Variants in TIMMDC1 observed in about 807,000 individuals in gnomAD.
The protein encoded by TIMMDC1 is translocase of inner mitochondrial membrane domain containing 1.
Under a neutral mutation model 32.6 loss-of-function variants are expected in TIMMDC1, and 25 were observed. The observed-to-expected ratio is 0.77, with a 90% confidence interval of 0.56 to 1.07. The LOEUF (loss-of-function observed/expected upper bound fraction) is 1.07, where lower values mean the gene tolerates loss of function less well. Ranked by LOEUF, TIMMDC1 falls within the 50% of genes least tolerant of loss-of-function variation. The probability of loss-of-function intolerance (pLI) is 0.00; values close to 1 mark genes in which losing one functional copy is unlikely to be tolerated. For synonymous variants in TIMMDC1, 130 were observed against 127.6 expected, an observed-to-expected ratio of 1.02 and a Z score of -0.13; for missense variants, 329 against 349.2, an observed-to-expected ratio of 0.94 and a Z score of 0.46.
At chr3:119,508,891 G>GA (rs573992595) in intron 4 of TIMMDC1, among the ~76,000 whole-genome samples, 125 of 152,276 alleles carry the variant, frequency 8.2e-4, no homozygotes, top group Admixed American at 2.0e-3. Flanking sequence ...CTTGCAAGTA[G>GA]AAAATCCAAA....
chr3:119,500,614 G>A, intron 1 of TIMMDC1, 81 bp from the exon 2 acceptor site: 1 of 1,278,778 alleles, frequency 7.8e-7, no homozygotes, highest in Non-Finnish European at 1.1e-6. Context: ...GTAGCATTTG[G>A]GTTAATTCTG....
intron 4 of TIMMDC1, among the ~76,000 whole-genome samples, chr3:119,508,520 C>T (rs1018011885): frequency 2.6e-5 from 4 of 152,238 alleles, no homozygotes; most frequent in Non-Finnish European, 4.4e-5. Flanking sequence ...ACATGCCATA[C>T]CAGAAACTGG....
chr3:119,500,686 ATGT>A lies in TIMMDC1; in HGVS notation c.195-5_195-3del, dbSNP rs745547870. The A allele has an allele frequency of 2.2e-5, 35 of 1,609,086 alleles. No individual in the cohort carries two copies. The East Asian group carries it at 4.0e-4, about 18-fold the overall frequency. ...AATCCCAAACAACATTGTCTTTTTGATGTTGTAGTGAACAGCAGAGAATTTCAA... is the reference window on the plus strand; with the variant it reads ...AATCCCAAACAACATTGTCTTTTTGATGTAGTGAACAGCAGAGAATTTCAA... On this transcript the variant is annotated splice_region_variant and splice_polypyrimidine_tract_variant and intron_variant, in intron 1 of 6. Transcript: ENST00000494664.
chr3:119,504,827 A>T (rs1167892006), intron 4 of TIMMDC1, among the ~76,000 whole-genome samples: 1 of 152,216 alleles, frequency 6.6e-6, no homozygotes, highest in Non-Finnish European at 1.5e-5. Flanking sequence ...CACACCTGTA[A>T]TCCCAGCACT....
chr3:119,518,545 C>A (rs1418006752), intron 6 of TIMMDC1, among the ~76,000 whole-genome samples: 24 of 142,316 alleles, frequency 1.7e-4, no homozygotes, highest in Admixed American at 1.4e-4. Context: ...CAGAGCAATA[C>A]TTCATCTCAA....
intron 1 of TIMMDC1, among the ~76,000 whole-genome samples, chr3:119,500,137 T>C (rs1210710722): frequency 6.6e-6 from 1 of 152,188 alleles, no homozygotes; most frequent in Non-Finnish European, 1.5e-5. Context: ...AGAATTTAGA[T>C]TTTTTGTCTT....
chr3:119,506,731 C>G (rs899456099), intron 4 of TIMMDC1, among the ~76,000 whole-genome samples: 1 of 152,008 alleles, frequency 6.6e-6, no homozygotes, highest in South Asian at 2.1e-4. Flanking sequence ...ATGATTTTGC[C>G]ACTTTTCTGT....
chr3:119,502,079 T>G (rs2107726668), intron 2 of TIMMDC1, among the ~76,000 whole-genome samples: 1 of 152,342 alleles, frequency 6.6e-6, no homozygotes, highest in Middle Eastern at 3.4e-3. Flanking sequence ...TTTTGAGTAC[T>G]TGTTAGTTCC....
chr3:119,506,948 C>T (rs1405012), intron 4 of TIMMDC1, among the ~76,000 whole-genome samples: 123,093 of 152,146 alleles, frequency 0.81, 49,870 homozygotes, highest in East Asian at 0.87. Flanking sequence ...TTTCAAAGTC[C>T]AGATCATTTG....
chr3:119,520,194 A>C (rs769230125), intron 6 of TIMMDC1, among the ~76,000 whole-genome samples: 1 of 152,192 alleles, frequency 6.6e-6, no homozygotes, highest in Non-Finnish European at 1.5e-5. Context: ...ACTGCACCTC[A>C]GGGAACTCGA....
At chr3:119,499,092 CTTTTTTTTTTT>C in intron 1 of TIMMDC1, 165 bp downstream of exon 1, 1 of 402,058 alleles carries the variant, frequency 2.5e-6, no homozygotes, top group Non-Finnish European at 4.4e-6. Context: ...TTTTTTCTTT[CTTTTTTTTTTT>C]TTTTTTTCCA....
At chr3:119,501,029 ATGT>A (rs1560044851) in intron 2 of TIMMDC1, among the ~76,000 whole-genome samples, 169 bp downstream of exon 2, 1 of 152,228 alleles carries the variant, frequency 6.6e-6, no homozygotes. Flanking sequence ...AAGTGCCTGC[ATGT>A]TGTTTGAGAG....
rs529707233 is a variant in TIMMDC1 at position 119,513,869 on chromosome 3, C to G, written c.596+150C>G. 7.8e-5 allele frequency: 42 copies of G among 536,834 alleles called. No individual in the cohort carries two copies. In the Admixed American group the frequency reaches 1.1e-3, roughly 14 times the overall value. 33.3% of individuals were successfully genotyped at this position (536,834 alleles called of 1,614,324 possible). On this transcript the variant is annotated intron_variant, in intron 5 of 6. Transcript: ENST00000494664. ...TTGCATTGGCAGTAGCTTTGACTGTCCATTCTAATTCTACCCCAATAGTTT... is the reference window on the plus strand; with the variant it reads ...TTGCATTGGCAGTAGCTTTGACTGTGCATTCTAATTCTACCCCAATAGTTT...
In TIMMDC1 at chr3:119,516,940, C is replaced by T. The variant is rs192363977; in HGVS notation, c.597-265C>T. ...ATTTATTTCTCATTCCTCATAAAAA[C>T]AGCCAGTTTCTAGATCTGTTGTTTT... On this transcript the variant is annotated intron_variant, in intron 5 of 6. Transcript: ENST00000494664. Among the ~76,000 whole-genome samples the T allele has an allele frequency of 3.1e-3, 467 of 152,274 alleles. 1 individual carries two copies. The highest frequency in any genetic ancestry group is 5.3e-3 in the Non-Finnish European group (361 of 68,014).
rs757884824 is a variant in TIMMDC1 at position 119,517,325 on chromosome 3, A to G, written c.707+10A>G. On this transcript the variant is annotated intron_variant, in intron 6 of 6. Coordinates refer to ENST00000494664, the MANE Select transcript of TIMMDC1 (RefSeq NM_016589.4). The stretch of plus-strand genomic sequence containing the variant: ...TAAAACTGGAAGAGTGGTAAGGAAC[A>G]TGTTGAGCCCAGGGAATCTTGGCTC... The G allele has an allele frequency of 7.6e-6, 12 of 1,582,288 alleles. No homozygotes were observed. In the African/African-American group the frequency reaches 1.6e-4, roughly 21 times the overall value.
intron 5 of TIMMDC1, among the ~76,000 whole-genome samples, chr3:119,514,785 C>T (rs1380193034): frequency 6.6e-6 from 1 of 152,088 alleles, no homozygotes; most frequent in Non-Finnish European, 1.5e-5. Context: ...GCTGGGTTTC[C>T]CTGCTCAAGA....
intron 4 of TIMMDC1, among the ~76,000 whole-genome samples, chr3:119,511,612 C>G (rs2081953664): frequency 6.6e-6 from 1 of 152,112 alleles, no homozygotes; most frequent in Admixed American, 6.5e-5. Context: ...GTTTTGGCCA[C>G]ATAAAATTTT....
rs1158163355 is a variant in TIMMDC1, at chr3:119,498,636, A to C, written c.-98A>C. ...CAGAGGGTTAACCTGGGTCAAATGC[A>C]CGGATTCTCACCTCGTACAGTTACG... On this transcript the variant is annotated 5_prime_UTR_variant, in exon 1 of 7. Coordinates refer to ENST00000494664, the MANE Select transcript of TIMMDC1 (RefSeq NM_016589.4). 2.8e-5 allele frequency: 35 copies of C among 1,235,282 alleles called. No homozygotes were observed. The East Asian group carries it at 6.5e-4, about 23-fold the overall frequency. The allele number at this position is 1,235,282 out of a possible 1,614,324, so 76.5% of individuals were successfully genotyped here.
chr3:119,499,199 T>C (rs1256740691), intron 1 of TIMMDC1, among the ~76,000 whole-genome samples: 1 of 148,834 alleles, frequency 6.7e-6, no homozygotes, highest in Non-Finnish European at 1.5e-5. Context: ...ACTCAAGTGA[T>C]CCTCCCACCT....
Sources: gnomAD v4.1 joint callset for allele counts (sites outside exome capture counted in the v4.1 genomes callset) on GRCh38, gnomAD v4.1.1 for gene constraint, MANE v1.5 for transcripts, NCBI Gene and HGNC (gene_info 2026-07-23, HGNC 2026-07-21) for gene names.